MYO7B: variants seen among roughly 807,000 people sequenced by gnomAD.
MYO7B encodes the protein unconventional myosin-VIIb.
In MYO7B, 212 loss-of-function variants were observed where a neutral mutation model predicts 259.7. That is an observed-to-expected ratio of 0.82 (90% CI 0.73 to 0.91). MYO7B has a LOEUF of 0.91. Ranked by LOEUF, MYO7B falls within the 40% of genes least tolerant of loss-of-function variation. The pLI is 0.00. For missense variants in MYO7B, 2,732 were observed against 2,813.5 expected (o/e 0.97, Z 0.66); for synonymous variants, 1,197 against 1,166.4 (o/e 1.03, Z -0.54).
In MYO7B at chr2:127,631,621, A is replaced by G. The variant is rs1410630654; in HGVS notation, c.5117A>G (p.Asp1706Gly). 3.1e-6 allele frequency: 5 copies of G among 1,613,138 alleles called. No homozygotes were observed. The highest frequency in any genetic ancestry group is 2.2e-5 in the South Asian group (2 of 91,080). Residue 1706 changes from aspartate to glycine, a missense_variant, in exon 38 of 48, where the codon GAC (aspartate) becomes GGC (glycine). By Grantham distance (94) the Asp-to-Gly change is moderately conservative (BLOSUM62 -1). Coordinates refer to ENST00000409816, the MANE Select transcript of MYO7B (RefSeq NM_001393586.1). Reference protein sequence around the residue: ...IFVAILRYMGDYPSRQAWPTL... With the variant: ...IFVAILRYMGGYPSRQAWPTL... ...ACACCCATCCTCCGGTACATGGGCG[A>G]CTACCCTTCTCGGCAGGCCTGGCCC...
chr2:127,637,511 C>A lies in MYO7B; in HGVS notation c.*94C>A. On this transcript the variant is annotated 3_prime_UTR_variant, in exon 48 of 48. Coordinates refer to ENST00000409816, the MANE Select transcript of MYO7B (RefSeq NM_001393586.1). ...CTCTCAACCCAGGGCCTGTCCTTGGCGGGCAGCCTTCCATGCTGCCCCCCA... is the reference window on the plus strand; with the variant it reads ...CTCTCAACCCAGGGCCTGTCCTTGGAGGGCAGCCTTCCATGCTGCCCCCCA... The A allele has an allele frequency of 1.0e-6, 1 of 979,406 alleles. No homozygotes were observed. The highest frequency in any genetic ancestry group is 1.5e-6 in the Non-Finnish European group (1 of 682,902). 60.7% of individuals were successfully genotyped at this position (979,406 alleles called of 1,614,324 possible).
Position 127,581,962 on chromosome 2 carries a change from G to A in MYO7B, c.1152G>A (p.Arg384=). The A allele has an allele frequency of 1.2e-6, 2 of 1,613,916 alleles. No homozygotes were observed. The highest frequency in any genetic ancestry group is 8.5e-7 in the Non-Finnish European group (1 of 1,179,870). Residue 384 remains arginine (R), a synonymous_variant, in exon 11 of 48, where the codon AGG becomes AGA. Transcript: ENST00000409816. ...TCATCCGAGGGGAATTTGTCACCAGGTCCCTGAACATTGCCCAGGCTGCTG... is the reference window on the plus strand; with the variant it reads ...TCATCCGAGGGGAATTTGTCACCAGATCCCTGAACATTGCCCAGGCTGCTG... ...TILIRGEFVT[R]SLNIAQAADR...
At position 127,559,858 on chromosome 2, in the gene MYO7B, CAG is replaced by C. The variant is rs965013403; in HGVS notation, c.18+119_18+120del. The C allele has an allele frequency of 1.5e-5, 18 of 1,233,356 alleles. No homozygotes were observed. The highest frequency in any genetic ancestry group is 7.0e-5 in the East Asian group (3 of 42,692). The allele number at this position is 1,233,356 out of a possible 1,614,324, so 76.4% of individuals were successfully genotyped here. On this transcript the variant is annotated intron_variant, in intron 2 of 47. Coordinates refer to ENST00000409816, the MANE Select transcript of MYO7B (RefSeq NM_001393586.1). This position sits in a 1 kb window ranked among gnomAD's most constrained non-coding sequence, Gnocchi z 4.1. The stretch of plus-strand genomic sequence containing the variant: ...AGACCCTATAGGAAAATACCAGAGA[CAG>C]GGGAGTTTAGGAAACACGACAGATT...
At position 127,580,923 on chromosome 2, in the gene MYO7B, C is replaced by T. The variant is rs13428800; in HGVS notation, c.1080+101C>T. 1.3e-3 allele frequency: 1,534 copies of T among 1,180,680 alleles called. 17 individuals carry two copies. In the African/African-American group the frequency reaches 0.019, roughly 15 times the overall value. The allele number at this position is 1,180,680 out of a possible 1,614,324, so 73.1% of individuals were successfully genotyped here. On this transcript the variant is annotated intron_variant, in intron 10 of 47. Coordinates refer to ENST00000409816, the MANE Select transcript of MYO7B (RefSeq NM_001393586.1). ...GATTCTTATAACCCTACCCAGGCCC[C>T]CACCCCTTTCCCAGGGCCTATGCTC...
chr2:127,546,944 C>T lies in MYO7B; in HGVS notation c.-24+11113C>T, dbSNP rs116166171. ...TTCACCCACTCATTCAACCACTAAT[C>T]GACTCATCCATCCATCCATCCACCA... On this transcript the variant is annotated intron_variant, in intron 1 of 47. Coordinates refer to ENST00000409816, the MANE Select transcript of MYO7B (RefSeq NM_001393586.1). This position sits in a 1 kb window ranked among gnomAD's most constrained non-coding sequence, Gnocchi z 4.2. Among the ~76,000 whole-genome samples the T allele has an allele frequency of 1.2e-3, 185 of 152,000 alleles. 1 individual carries two copies. The highest frequency in any genetic ancestry group is 4.2e-3 in the African/African-American group (175 of 41,456).
At chr2:127,595,511 TTTTGAAG>T (rs1679741687) in intron 18 of MYO7B, among the ~76,000 whole-genome samples, 1 of 152,178 alleles carries the variant, frequency 6.6e-6, no homozygotes, top group Non-Finnish European at 1.5e-5. Flanking sequence ...CTTCTGCTAA[TTTTGAAG>T]TTTGTTTGCT....
At position 127,608,724 on chromosome 2, in the gene MYO7B, C is replaced by T. The variant is rs374481925; in HGVS notation, c.2660C>T (p.Pro887Leu). ...QRKANAPLVIPAEGQKSQGAL... is the reference protein window; with the variant it reads ...QRKANAPLVILAEGQKSQGAL... The stretch of plus-strand genomic sequence containing the variant: ...GGTATGCAGGCGCCGCTGGTCATCC[C>T]GGCCGAGGGGCAGAAAAGCCAAGGC... Residue 887 changes from proline to leucine, a missense_variant, in exon 22 of 48, where the codon CCG becomes CTG. Physicochemically the swap from Pro to Leu is moderately conservative, Grantham distance 98. Transcript: ENST00000409816. 173 of 1,612,258 alleles carry T rather than the reference C, an allele frequency of 1.1e-4. No homozygotes were observed. The highest frequency in any genetic ancestry group is 4.3e-4 in the South Asian group (39 of 91,028).
At chr2:127,565,420 C>A (rs1389248417) in intron 4 of MYO7B, 35 bp downstream of exon 4, 2 of 1,607,448 alleles carry the variant, frequency 1.2e-6, no homozygotes, top group South Asian at 1.1e-5. Context: ...ACAGGGGAGC[C>A]CCTCACAGGT....
At chr2:127,570,142 T>A (rs911320477) in intron 6 of MYO7B, among the ~76,000 whole-genome samples, 1 of 151,742 alleles carries the variant, frequency 6.6e-6, no homozygotes, top group Admixed American at 6.6e-5. Context: ...TCCACGGGAT[T>A]GTAAGGAATA....
At chr2:127,623,471 C>T in intron 29 of MYO7B, 96 bp downstream of exon 29, 2 of 1,300,454 alleles carry the variant, frequency 1.5e-6, no homozygotes, top group Non-Finnish European at 1.0e-6. Flanking sequence ...AGCCCGGCCA[C>T]CACCTACCCT....
chr2:127,545,654 C>T (rs1321793284), intron 1 of MYO7B, among the ~76,000 whole-genome samples: 1 of 152,238 alleles, frequency 6.6e-6, no homozygotes, highest in East Asian at 1.9e-4. Context: ...CAGGCTCTGC[C>T]ACAGCCCTGT....
At chr2:127,637,158 G>C in intron 47 of MYO7B, 158 bp from the exon 48 acceptor site, 3 of 894,948 alleles carry the variant, frequency 3.4e-6, no homozygotes, top group Non-Finnish European at 5.4e-6. Context: ...AGCTCCAGCA[G>C]GGCAAGCAGA....
chr2:127,635,274 C>T, intron 43 of MYO7B, 48 bp downstream of exon 43: 1 of 1,529,642 alleles, frequency 6.5e-7, no homozygotes, highest in South Asian at 1.2e-5. Context: ...CCCCATCTTC[C>T]CACACCTGTT....
Position 127,628,379 on chromosome 2 carries a change from C to G in MYO7B, c.4468C>G (p.Gln1490Glu). 1.9e-6 allele frequency: 3 copies of G among 1,600,362 alleles called. No individual in the cohort carries two copies. The highest frequency in any genetic ancestry group is 2.6e-6 in the Non-Finnish European group (3 of 1,175,718). Residue 1490 changes from glutamine (Q) to glutamate (E), a missense_variant, in exon 34 of 48, where the codon CAG becomes GAG. This residue lies in a region of MYO7B where 1,906 missense variants were observed against 2,026.4 expected (regional missense o/e 0.94). Coordinates refer to ENST00000409816, the MANE Select transcript of MYO7B (RefSeq NM_001393586.1). This position sits in a 1 kb window ranked among gnomAD's most constrained non-coding sequence, Gnocchi z 4.8. ...GCTGTCCTTCATCTCCAGGGAGGCC[C>G]AGGGCGGGCAGAGGCTGCTGCTCTC... ...VMGLATNREAQGGQRLLLSTM... is the reference protein window; with the variant it reads ...VMGLATNREAEGGQRLLLSTM...
chr2:127,622,695 C>T (rs567916038), intron 28 of MYO7B, among the ~76,000 whole-genome samples: 1 of 152,366 alleles, frequency 6.6e-6, no homozygotes, highest in South Asian at 2.1e-4. Context: ...CACCTTCTTT[C>T]TGTTCTCACC....
intron 20 of MYO7B, among the ~76,000 whole-genome samples, chr2:127,606,401 G>A (rs943000948): frequency 6.6e-6 from 1 of 152,208 alleles, no homozygotes; most frequent in Non-Finnish European, 1.5e-5. Context: ...TCACGGATGT[G>A]ACTGGTTATG....
At position 127,564,286 on chromosome 2, in the gene MYO7B, C is replaced by T. The variant is rs773367328; in HGVS notation, c.132+20C>T. On this transcript the variant is annotated intron_variant, in intron 3 of 47. Transcript: ENST00000409816. Reference sequence around the variant, plus strand: ...GGCAAGGTCAGTGTTCTGGGGTTTCCTCTGGGCCCTGCCCTGCCCTCACAT... The same window carrying T: ...GGCAAGGTCAGTGTTCTGGGGTTTCTTCTGGGCCCTGCCCTGCCCTCACAT... 7.8e-6 allele frequency: 12 copies of T among 1,534,332 alleles called. No individual in the cohort carries two copies. In the South Asian group the frequency reaches 1.1e-4, roughly 14 times the overall value.
intron 26 of MYO7B, among the ~76,000 whole-genome samples, chr2:127,617,499 T>G (rs981225965): frequency 7.6e-6 from 1 of 131,528 alleles, no homozygotes; most frequent in African/African-American, 3.0e-5. Flanking sequence ...TTTTTTTTTT[T>G]TTTTTTTTTT....
intron 43 of MYO7B, 140 bp from the exon 44 acceptor site, chr2:127,635,582 C>T (rs1681754165): frequency 3.3e-6 from 3 of 914,930 alleles, no homozygotes; most frequent in South Asian, 3.5e-5. Context: ...ATTCCCCTGG[C>T]CTGAAACTCT....
Sources: allele counts gnomAD v4.1 joint callset (sites outside exome capture counted in the v4.1 genomes callset), GRCh38; gene constraint gnomAD v4.1.1; regional missense constraint gnomAD v4.1.1; non-coding constraint Gnocchi (gnomAD v3.1); transcripts MANE v1.5; gene names NCBI Gene and HGNC (gene_info 2026-07-23, HGNC 2026-07-21).